Variants in SLC7A5 observed in about 807,000 individuals in gnomAD.
The protein encoded by SLC7A5 is solute carrier family 7 member 5.
A neutral mutation model predicts 50.2 loss-of-function variants in SLC7A5; 23 were observed. That is an observed-to-expected ratio of 0.46 (90% CI 0.33 to 0.65). The LOEUF is 0.65. SLC7A5 is among the 30% of genes least tolerant of loss of function. The pLI is 0.02. For missense variants in SLC7A5, 578 were observed against 684.4 expected (o/e 0.84, Z 1.73); for synonymous variants, 393 against 330.6 (o/e 1.19, Z -2.05).
intron 1 of SLC7A5, among the ~76,000 whole-genome samples, chr16:87,858,905 G>C (rs543586685): frequency 7.2e-5 from 11 of 152,360 alleles, no homozygotes; most frequent in African/African-American, 2.4e-4. Context: ...ATCCCGATGG[G>C]CTCTGCAGAT....
intron 1 of SLC7A5, among the ~76,000 whole-genome samples, chr16:87,866,096 TG>T (rs985485235): frequency 3.7e-5 from 4 of 109,436 alleles, no homozygotes; most frequent in Admixed American, 2.7e-4. Flanking sequence ...CAGGGTTCTA[TG>T]GGGGGGCGGG....
chr16:87,846,182 A>C (rs2055152082), intron 2 of SLC7A5, among the ~76,000 whole-genome samples: 1 of 152,164 alleles, frequency 6.6e-6, no homozygotes, highest in South Asian at 2.1e-4. Flanking sequence ...CCTGGCACCA[A>C]TCTGGGAGCT....
At position 87,832,979 on chromosome 16, in the gene SLC7A5, C is replaced by T. The variant is rs1216905797; in HGVS notation, c.1515G>A (p.Gln505=). The T allele has an allele frequency of 2.5e-6, 4 of 1,613,748 alleles. No individual in the cohort carries two copies. In the African/African-American group the frequency reaches 4.0e-5, roughly 16 times the overall value. The part of the protein sequence containing the change: ...LCQKLMQVVP[Q]ET ...CCACTCGGCCTCCTGGCTATGTCTC[C>T]TGGGGGACCACCTGCATGAGCTTCT... Residue 505 remains glutamine (Q), a synonymous_variant, in exon 10 of 10, where the codon CAG becomes CAA. Transcript: ENST00000261622. The surrounding 1 kb of genome is among the most constrained non-coding windows in gnomAD (Gnocchi z 4.6).
chr16:87,838,708 G>A lies in SLC7A5; in HGVS notation c.1043+6C>T, dbSNP rs33966404. On this transcript the variant is annotated splice_donor_region_variant and intron_variant, in intron 6 of 9. Transcript: ENST00000261622. ...CCTCACCTGTGGTGGGTCGGGCTGT[G>A]CTCACCTGGAGGATGTGAACAGGGA... The A allele has an allele frequency of 3.3e-3, 5,379 of 1,609,204 alleles. 120 individuals carry two copies. The African/African-American group carries it at 0.063, about 19-fold the overall frequency.
At chr16:87,847,097 G>A (rs537331595) in intron 2 of SLC7A5, among the ~76,000 whole-genome samples, 116 of 152,304 alleles carry the variant, frequency 7.6e-4, no homozygotes, top group African/African-American at 2.6e-3. Context: ...TGCTGGGAGC[G>A]CCTAGAAGCC....
chr16:87,851,480 A>T (rs1433777781), intron 2 of SLC7A5, among the ~76,000 whole-genome samples: 1 of 152,178 alleles, frequency 6.6e-6, no homozygotes. Flanking sequence ...GCAGCGTAAA[A>T]AACAAGAAAA....
chr16:87,841,376 C>T lies in SLC7A5; in HGVS notation c.665-221G>A, dbSNP rs2055081404. Reference sequence around the variant, plus strand: ...GGCCCTGCCAGAGGCCCTGTGCCCACCTGAGAGGGCACAGGCAGTTCTGAC... The same window carrying T: ...GGCCCTGCCAGAGGCCCTGTGCCCATCTGAGAGGGCACAGGCAGTTCTGAC... On this transcript the variant is annotated intron_variant, in intron 2 of 9. Transcript: ENST00000261622. The surrounding 1 kb of genome is among the most constrained non-coding windows in gnomAD (Gnocchi z 4.8). Among the ~76,000 whole-genome samples, 1 of 152,196 alleles carries T rather than the reference C, an allele frequency of 6.6e-6. No individual in the cohort carries two copies.
rs141160785 is a variant in SLC7A5, at chr16:87,869,342, C to T, written c.81G>A (p.Leu27=). The change falls in exon 1 of 10, where the codon CTG becomes CTA. Residue 27 remains leucine, a synonymous_variant. Transcript: ENST00000261622. ...CCGAGCCGTCCGCGCTCTTGGCGGC[C>T]AGCATCTTCTCCCGCGCCTCTTCCT... The part of the protein sequence containing the change: ...EEKEEAREKM[L]AAKSADGSAP... 2.8e-5 allele frequency: 45 copies of T among 1,609,630 alleles called. No homozygotes were observed. In the Middle Eastern group the frequency reaches 8.7e-4, roughly 31 times the overall value.
At chr16:87,834,636 C>T in intron 8 of SLC7A5, 45 bp from the exon 9 acceptor site, 2 of 1,553,126 alleles carry the variant, frequency 1.3e-6, no homozygotes, top group Non-Finnish European at 1.7e-6. Flanking sequence ...CCTGTCCAGC[C>T]TCCCTCCCCC....
chr16:87,834,610 C>T lies in SLC7A5; in HGVS notation c.1291-19G>A, dbSNP rs1246857502. ...GGTTCACCTGGGGCAGAGGACAGGG[C>T]CTGGGTGAGCCCTCTCCTGTCCAGC... is the stretch of plus-strand genomic sequence containing the variant. On this transcript the variant is annotated intron_variant, in intron 8 of 9. Coordinates refer to ENST00000261622, the MANE Select transcript of SLC7A5 (RefSeq NM_003486.7). The T allele has an allele frequency of 2.5e-6, 4 of 1,570,250 alleles. No individual in the cohort carries two copies. The highest frequency in any genetic ancestry group is 2.7e-5 in the African/African-American group (2 of 74,358).
intron 6 of SLC7A5, 45 bp from the exon 7 acceptor site, chr16:87,837,986 T>A: frequency 7.0e-7 from 1 of 1,428,138 alleles, no homozygotes; most frequent in Non-Finnish European, 9.7e-7. Flanking sequence ...GCCCCACAAC[T>A]CAGCACGTGG....
At chr16:87,837,654 T>C in intron 7 of SLC7A5, 191 bp downstream of exon 7, 1 of 585,052 alleles carries the variant, frequency 1.7e-6, no homozygotes, top group Non-Finnish European at 3.1e-6. Flanking sequence ...AGCCACCATA[T>C]ATTATTTTTG....
chr16:87,854,965 G>A (rs113524243), intron 1 of SLC7A5, among the ~76,000 whole-genome samples: 16 of 152,358 alleles, frequency 1.1e-4, no homozygotes, highest in African/African-American at 3.8e-4. Flanking sequence ...GGTGGGCATT[G>A]ACAGCAAGGC....
intron 2 of SLC7A5, among the ~76,000 whole-genome samples, chr16:87,849,993 A>T (rs2055199593): frequency 6.6e-6 from 1 of 152,216 alleles, no homozygotes; most frequent in Non-Finnish European, 1.5e-5. Context: ...TGATAAAGAC[A>T]GTCTGGCCCC....
chr16:87,859,418 G>A (rs543222467), intron 1 of SLC7A5, among the ~76,000 whole-genome samples: 19 of 152,294 alleles, frequency 1.2e-4, no homozygotes, highest in Admixed American at 3.3e-4. Context: ...GACTGGCCCC[G>A]GGGTCACCAT....
chr16:87,840,551 G>A, intron 3 of SLC7A5, 78 bp from the exon 4 acceptor site: 1 of 1,271,058 alleles, frequency 7.9e-7, no homozygotes, highest in East Asian at 2.3e-5. Flanking sequence ...AGCATCCCAG[G>A]GCAGCTGGTG....
At position 87,833,340 on chromosome 16, in the gene SLC7A5, C is replaced by CG. The variant is rs1251525497; in HGVS notation, c.1469-316dup. ...GCCCTGGTGTCTCAGCAAAGTGCAA[C>CG]GGGGGGATGACAGGCCTTCCTGCAG... On this transcript the variant is annotated intron_variant, in intron 9 of 9. Coordinates refer to ENST00000261622, the MANE Select transcript of SLC7A5 (RefSeq NM_003486.7). This position sits in a 1 kb window ranked among gnomAD's most constrained non-coding sequence, Gnocchi z 6.0. Among the ~76,000 whole-genome samples, 1 of 152,216 alleles carries CG rather than the reference C, an allele frequency of 6.6e-6. No individual in the cohort carries two copies. The highest frequency in any genetic ancestry group is 1.9e-4 in the East Asian group (1 of 5,198).
chr16:87,863,711 G>A (rs573610900), intron 1 of SLC7A5: 3 of 152,006 alleles, frequency 2.0e-5, no homozygotes, highest in Admixed American at 1.3e-4. Flanking sequence ...TCTAAGCACC[G>A]AGGCCAACCC....
intron 2 of SLC7A5, among the ~76,000 whole-genome samples, chr16:87,842,584 C>G (rs920500291): frequency 6.6e-6 from 1 of 152,234 alleles, no homozygotes; most frequent in East Asian, 1.9e-4. Context: ...CCGTGGCGTG[C>G]TGGATGCCTG....
Sources: allele counts gnomAD v4.1 joint callset (sites outside exome capture counted in the v4.1 genomes callset), GRCh38; gene constraint gnomAD v4.1.1; non-coding constraint Gnocchi (gnomAD v3.1); transcripts MANE v1.5; gene names NCBI Gene and HGNC (gene_info 2026-07-23, HGNC 2026-07-21).